The following MYO9A variants were observed in gnomAD, a reference collection of about 807,000 sequenced individuals.
MYO9A encodes the protein myosin IXA, also known as unconventional myosin-IXa.
Under a neutral mutation model 293.3 loss-of-function variants are expected in MYO9A, and 103 were observed. That is an observed-to-expected ratio of 0.35 (90% CI 0.30 to 0.41). MYO9A has a LOEUF of 0.41. Ranked by LOEUF, MYO9A falls within the 10% of genes least tolerant of loss-of-function variation. The pLI is 1.00. For synonymous variants in MYO9A, 1,001 were observed against 1,035.7 expected (o/e 0.97, Z 0.64); for missense variants, 2,685 against 3,033.0 (o/e 0.89, Z 2.69).
At position 71,953,965 on chromosome 15, in the gene MYO9A, G is replaced by A. The variant is rs563377041; in HGVS notation, c.2183-2069C>T. On this transcript the variant is annotated intron_variant, in intron 14 of 41. Transcript: ENST00000356056. ...GGCTGGAGTGCACTGGTGCAATCTC[G>A]GCTCACTGCACCCTCTGCATCCCGG... Among the ~76,000 whole-genome samples the A allele has an allele frequency of 1.2e-4, 18 of 150,172 alleles. 1 individual carries two copies. The South Asian group carries it at 3.4e-3, about 29-fold the overall frequency.
intron 39 of MYO9A, among the ~76,000 whole-genome samples, chr15:71,837,670 T>C (rs560922832): frequency 4.6e-5 from 7 of 152,176 alleles, no homozygotes; most frequent in South Asian, 4.2e-4. Context: ...TCTGATCTCT[T>C]TTAAGAAGCA....
chr15:71,968,007 C>T lies in MYO9A; in HGVS notation c.1963G>A (p.Gly655Arg), dbSNP rs761686803. The change falls in exon 13 of 42, where the codon GGA becomes AGA. Residue 655 changes from glycine (G) to arginine (R), a missense_variant. This residue lies in a region of MYO9A where 201 missense variants were observed against 245.2 expected (regional missense o/e 0.82). Coordinates refer to ENST00000356056, the MANE Select transcript of MYO9A (RefSeq NM_006901.4). Reference sequence around the variant, plus strand: ...ACCTTTACCCCATATTTTACTTTTCCAGCATAATGTTTTATAATGAAAGCA... The same window carrying T: ...ACCTTTACCCCATATTTTACTTTTCTAGCATAATGTTTTATAATGAAAGCA... ...EPAFIIKHYA[G>R]KVKYGVKDFR... The T allele has an allele frequency of 3.2e-5, 52 of 1,608,658 alleles. No individual in the cohort carries two copies. Among genetic ancestry groups the T allele is most frequent in the Middle Eastern group, 1.7e-4 (1 of 6,056 alleles).
At chr15:72,003,986 A>C (rs1433688722) in intron 8 of MYO9A, among the ~76,000 whole-genome samples, 3 of 152,142 alleles carry the variant, frequency 2.0e-5, no homozygotes, top group African/African-American at 7.2e-5. Flanking sequence ...AGTTCTCTTT[A>C]CCTAGCACAA....
At chr15:71,927,636 C>G (rs929024674) in intron 18 of MYO9A, among the ~76,000 whole-genome samples, 4 of 152,094 alleles carry the variant, frequency 2.6e-5, no homozygotes, top group African/African-American at 9.7e-5. Context: ...TATTTTGATC[C>G]ACATTTGGTC....
intron 2 of MYO9A, among the ~76,000 whole-genome samples, chr15:72,037,642 T>A (rs1185601822): frequency 1.3e-5 from 2 of 152,066 alleles, no homozygotes; most frequent in South Asian, 2.1e-4. Context: ...GATGATCTCA[T>A]GCACAAAAAT....
intron 1 of MYO9A, among the ~76,000 whole-genome samples, chr15:72,048,520 T>C (rs2078460553): frequency 6.6e-6 from 1 of 152,226 alleles, no homozygotes. Flanking sequence ...TCTCATAGCA[T>C]ACTGAAAATA....
chr15:71,909,849 T>C (rs986210954), intron 19 of MYO9A, among the ~76,000 whole-genome samples: 17 of 152,134 alleles, frequency 1.1e-4, no homozygotes, highest in African/African-American at 3.9e-4. Flanking sequence ...ATAATATACA[T>C]AGGGCTTGGC....
At chr15:72,101,232 G>A (rs1250776291) in intron 1 of MYO9A, among the ~76,000 whole-genome samples, 25 of 126,432 alleles carry the variant, frequency 2.0e-4, no homozygotes, top group East Asian at 5.2e-4. Flanking sequence ...CGCCCCGTCC[G>A]GGAGGGAGGT....
intron 18 of MYO9A, among the ~76,000 whole-genome samples, chr15:71,926,529 T>C (rs1408325958): frequency 6.6e-6 from 1 of 151,754 alleles, no homozygotes; most frequent in African/African-American, 2.4e-5. Context: ...GGCAATAGAG[T>C]GAGATCCTGT....
In MYO9A at chr15:71,875,894, TC is replaced by T. The variant is rs1450095736; in HGVS notation, c.5932-57del. 3 of 970,938 alleles carry T rather than the reference TC, an allele frequency of 3.1e-6. No individual in the cohort carries two copies. In the African/African-American group the frequency reaches 5.1e-5, roughly 16 times the overall value. The allele number at this position is 970,938 out of a possible 1,614,324, so 60.1% of individuals were successfully genotyped here. Reference sequence around the variant, plus strand: ...TGTGATAACAAAGACTAACATACTTTCTTACTTCATTGCAAATGTTAAGATA... The same window carrying T: ...TGTGATAACAAAGACTAACATACTTTTTACTTCATTGCAAATGTTAAGATA... On this transcript the variant is annotated intron_variant, in intron 31 of 41. Coordinates refer to ENST00000356056, the MANE Select transcript of MYO9A (RefSeq NM_006901.4).
intron 37 of MYO9A, among the ~76,000 whole-genome samples, chr15:71,850,802 G>GAA (rs2055611260): frequency 2.0e-5 from 1 of 50,524 alleles, no homozygotes; most frequent in Non-Finnish European, 4.3e-5. Context: ...AAAAAAAAAA[G>GAA]AATGCAGAGT....
At chr15:72,065,864 C>A (rs996753973) in intron 1 of MYO9A, among the ~76,000 whole-genome samples, 12 of 152,162 alleles carry the variant, frequency 7.9e-5, no homozygotes, top group African/African-American at 2.9e-4. Context: ...TCTGTAGTAG[C>A]TCATTGTTCA....
Position 71,901,925 on chromosome 15 carries a change from C to T in MYO9A, c.3001-585G>A, listed in dbSNP as rs1446715748. Among the ~76,000 whole-genome samples, 5 of 152,070 alleles carry T rather than the reference C, an allele frequency of 3.3e-5. 1 individual carries two copies. Among genetic ancestry groups the T allele is most frequent in the South Asian group, 4.1e-4 (2 of 4,826 alleles). On this transcript the variant is annotated intron_variant, in intron 22 of 41. Coordinates refer to ENST00000356056, the MANE Select transcript of MYO9A (RefSeq NM_006901.4). ...TGATAACAGTCTTTTTGAAATCCAGCGTGCATTAAAAGCTTCTCACTGTCC... is the reference window on the plus strand; with the variant it reads ...TGATAACAGTCTTTTTGAAATCCAGTGTGCATTAAAAGCTTCTCACTGTCC...
chr15:71,964,063 C>A (rs558104871), intron 13 of MYO9A, among the ~76,000 whole-genome samples: 2 of 152,214 alleles, frequency 1.3e-5, no homozygotes, highest in Admixed American at 6.5e-5. Context: ...AATTTCCTGA[C>A]AAAATATATG....
chr15:71,931,675 T>C (rs2058480088), intron 18 of MYO9A, among the ~76,000 whole-genome samples: 1 of 152,124 alleles, frequency 6.6e-6, no homozygotes, highest in African/African-American at 2.4e-5. Flanking sequence ...TTTGAAAGTG[T>C]TTTCTCTCAC....
intron 12 of MYO9A, among the ~76,000 whole-genome samples, chr15:71,976,493 CT>C (rs1312513199): frequency 6.6e-6 from 1 of 152,152 alleles, no homozygotes; most frequent in Non-Finnish European, 1.5e-5. Context: ...CTTAAACTTT[CT>C]TTTGTTACTA....
In MYO9A at chr15:71,933,685, C is replaced by T. The variant is rs374287420; in HGVS notation, c.2547G>A (p.Lys849=). The part of the protein sequence containing the change: ...ILTRNKNFKS[K]PALPKHLLEV... ...TAGTACTCACCTTTGGAAGGGCAGGCTTGGATTTGAAATTTTTGTTTCTCC... is the reference window on the plus strand; with the variant it reads ...TAGTACTCACCTTTGGAAGGGCAGGTTTGGATTTGAAATTTTTGTTTCTCC... The change falls in exon 18 of 42, where the codon AAG becomes AAA. Residue 849 remains lysine, a synonymous_variant. Coordinates refer to ENST00000356056, the MANE Select transcript of MYO9A (RefSeq NM_006901.4). 1.3e-6 allele frequency: 2 copies of T among 1,589,422 alleles called. No individual in the cohort carries two copies. Among genetic ancestry groups the T allele is most frequent in the African/African-American group, 2.7e-5 (2 of 73,434 alleles).
chr15:72,052,575 T>C (rs1057030257), intron 1 of MYO9A, among the ~76,000 whole-genome samples: 3 of 152,188 alleles, frequency 2.0e-5, no homozygotes, highest in Non-Finnish European at 4.4e-5. Context: ...AGGCCCTTCA[T>C]GGAGTCCAGA....
chr15:71,912,327 C>T (rs1596174469), intron 19 of MYO9A, among the ~76,000 whole-genome samples: 1 of 151,772 alleles, frequency 6.6e-6, no homozygotes, highest in South Asian at 2.1e-4. Context: ...GCAATCTCAG[C>T]TCACTGCAAC....
Sources: allele counts gnomAD v4.1 joint callset (sites outside exome capture counted in the v4.1 genomes callset), GRCh38; gene constraint gnomAD v4.1.1; regional missense constraint gnomAD v4.1.1; transcripts MANE v1.5; gene names NCBI Gene and HGNC (gene_info 2026-07-23, HGNC 2026-07-21).